Variants in CSMD1 observed in about 807,000 individuals in gnomAD.
The protein encoded by CSMD1 is CUB and Sushi multiple domains 1.
Under a neutral mutation model 417.5 loss-of-function variants are expected in CSMD1, and 213 were observed. That is an observed-to-expected ratio of 0.51 (90% CI 0.46 to 0.57). CSMD1 has a LOEUF of 0.57. Among genes scored for constraint, CSMD1 ranks in the 20% least tolerant of loss-of-function variants. The probability of loss-of-function intolerance (pLI) is 0.00; values close to 1 mark genes in which losing one functional copy is unlikely to be tolerated. For synonymous variants in CSMD1, 2,862 were observed against 1,736.8 expected, an observed-to-expected ratio of 1.65 and a Z score of -16.11; for missense variants, 6,923 against 4,529.7, an observed-to-expected ratio of 1.53 and a Z score of -15.17.
At chr8:3,350,360 G>A (rs780920173) in intron 21 of CSMD1, among the ~76,000 whole-genome samples, 11 of 151,114 alleles carry the variant, frequency 7.3e-5, no homozygotes, top group Non-Finnish European at 1.2e-4. Context: ...AATAACCTTC[G>A]TGACATGTCA....
chr8:4,145,109 A>G (rs571701701), intron 3 of CSMD1, among the ~76,000 whole-genome samples: 1 of 151,252 alleles, frequency 6.6e-6, no homozygotes. Flanking sequence ...GGTTAAGAAT[A>G]TAATTACATG....
intron 26 of CSMD1, among the ~76,000 whole-genome samples, chr8:3,235,664 A>T (rs938325165): frequency 6.6e-6 from 1 of 152,190 alleles, no homozygotes; most frequent in Non-Finnish European, 1.5e-5. Flanking sequence ...TCCAAATAGA[A>T]GTCCACAGAA....
chr8:4,203,425 T>C (rs1799782719), intron 3 of CSMD1, among the ~76,000 whole-genome samples: 1 of 152,194 alleles, frequency 6.6e-6, no homozygotes, highest in African/African-American at 2.4e-5. Context: ...TGGTAATATC[T>C]CACAGCAGCC....
chr8:4,121,972 T>C (rs1277025067), intron 3 of CSMD1, among the ~76,000 whole-genome samples: 1 of 152,042 alleles, frequency 6.6e-6, no homozygotes, highest in Non-Finnish European at 1.5e-5. Flanking sequence ...TAATAATGCT[T>C]ATGTATAGAT....
intron 2 of CSMD1, among the ~76,000 whole-genome samples, chr8:4,600,250 C>G (rs936691241): frequency 1.3e-5 from 2 of 152,064 alleles, no homozygotes; most frequent in Non-Finnish European, 2.9e-5. Context: ...CTCTCTCTCT[C>G]CCACTCTGAC....
intron 3 of CSMD1, among the ~76,000 whole-genome samples, chr8:4,411,396 G>A (rs979665077): frequency 1.3e-5 from 2 of 151,776 alleles, no homozygotes; most frequent in East Asian, 1.9e-4. Flanking sequence ...GCTGGTCTTA[G>A]AATTCATTAA....
chr8:4,663,330 C>T (rs1804719067), intron 1 of CSMD1, among the ~76,000 whole-genome samples: 2 of 152,150 alleles, frequency 1.3e-5, no homozygotes, highest in Admixed American at 6.5e-5. Flanking sequence ...GGGGAAAGAG[C>T]AGAGCAAAAC....
At chr8:4,263,982 G>C (rs571395992) in intron 3 of CSMD1, among the ~76,000 whole-genome samples, 12 of 152,126 alleles carry the variant, frequency 7.9e-5, no homozygotes, top group South Asian at 2.1e-4. Context: ...AGCCTCAGGA[G>C]ACAACATGTC....
intron 3 of CSMD1, among the ~76,000 whole-genome samples, chr8:4,152,497 G>A (rs1041303906): frequency 2.0e-5 from 3 of 148,130 alleles, no homozygotes; most frequent in African/African-American, 7.6e-5. Context: ...GGAAAACACT[G>A]CAAAGCCCTG....
In CSMD1 at chr8:3,919,748, A is replaced by T. The variant is rs538613464; in HGVS notation, c.818+78155T>A. Among the ~76,000 whole-genome samples, 18 of 152,194 alleles carry T rather than the reference A, an allele frequency of 1.2e-4. No homozygotes were observed. In the South Asian group the frequency reaches 3.7e-3, roughly 32 times the overall value. ...TAGTATGGACATTTTAAAAATATTAATTATTCCAATCCAGGAACACAAGCT... is the reference window on the plus strand; with the variant it reads ...TAGTATGGACATTTTAAAAATATTATTTATTCCAATCCAGGAACACAAGCT... On this transcript the variant is annotated intron_variant, in intron 5 of 69. Coordinates refer to ENST00000635120, the MANE Select transcript of CSMD1 (RefSeq NM_033225.6).
At position 4,660,253 on chromosome 8, in the gene CSMD1, G is replaced by A. The variant is rs1176324137; in HGVS notation, c.86-22695C>T. Reference sequence around the variant, plus strand: ...ACCAAGAAATTCCCATAACCAGTAAGTGATTTTATTAAGTCTGTAACATGG... The same window carrying A: ...ACCAAGAAATTCCCATAACCAGTAAATGATTTTATTAAGTCTGTAACATGG... On this transcript the variant is annotated intron_variant, in intron 1 of 69. Transcript: ENST00000635120. Among the ~76,000 whole-genome samples the A allele has an allele frequency of 2.0e-5, 3 of 152,004 alleles. No homozygotes were observed. In the East Asian group the frequency reaches 5.8e-4, roughly 29 times the overall value.
chr8:3,683,380 G>C (rs562894994), intron 7 of CSMD1, among the ~76,000 whole-genome samples: 2 of 151,880 alleles, frequency 1.3e-5, no homozygotes, highest in Non-Finnish European at 2.9e-5. Flanking sequence ...TTTATTCTGG[G>C]CACTGCATCC....
intron 3 of CSMD1, among the ~76,000 whole-genome samples, chr8:4,062,079 G>C (rs981818218): frequency 1.3e-5 from 2 of 152,098 alleles, no homozygotes; most frequent in African/African-American, 4.8e-5. Context: ...CCAGGTGCCA[G>C]GAGAATGGCA....
chr8:3,293,592 G>T (rs763752137), intron 25 of CSMD1, among the ~76,000 whole-genome samples: 4 of 151,970 alleles, frequency 2.6e-5, no homozygotes, highest in African/African-American at 9.7e-5. Context: ...TTCCATCACT[G>T]ATACCTTGTC....
At chr8:4,059,568 A>G (rs1389817390) in intron 3 of CSMD1, among the ~76,000 whole-genome samples, 2 of 151,632 alleles carry the variant, frequency 1.3e-5, no homozygotes, top group East Asian at 1.9e-4. Flanking sequence ...AGAAAAAAAG[A>G]GAGAAGAATC....
intron 2 of CSMD1, among the ~76,000 whole-genome samples, chr8:4,590,900 T>G (rs1218747742): frequency 3.3e-5 from 5 of 152,248 alleles, no homozygotes; most frequent in Non-Finnish European, 7.3e-5. Flanking sequence ...TACACATTTC[T>G]GTGATACAAC....
intron 5 of CSMD1, among the ~76,000 whole-genome samples, chr8:3,972,917 G>A (rs936387707): frequency 3.3e-5 from 5 of 152,072 alleles, no homozygotes; most frequent in Admixed American, 2.6e-4. Flanking sequence ...CAACCTAAAT[G>A]GGCAAAGTAG....
intron 1 of CSMD1, among the ~76,000 whole-genome samples, chr8:4,786,324 A>T (rs1797399013): frequency 1.3e-5 from 2 of 152,204 alleles, no homozygotes; most frequent in South Asian, 4.1e-4. Flanking sequence ...TATTTTAAAA[A>T]TGTGAATTTG....
intron 5 of CSMD1, among the ~76,000 whole-genome samples, chr8:3,775,603 A>C (rs949343107): frequency 2.0e-5 from 3 of 152,166 alleles, no homozygotes; most frequent in African/African-American, 7.2e-5. Flanking sequence ...TTGTCAGTAA[A>C]GTTCGTAAAT....
Sources: gnomAD v4.1 joint callset for allele counts (sites outside exome capture counted in the v4.1 genomes callset) on GRCh38, gnomAD v4.1.1 for gene constraint, MANE v1.5 for transcripts, NCBI Gene and HGNC (gene_info 2026-07-23, HGNC 2026-07-21) for gene names.